NAALADL2: variants seen among roughly 807,000 people sequenced by gnomAD.
The protein encoded by NAALADL2 is inactive N-acetylated-alpha-linked acidic dipeptidase-like protein 2.
In NAALADL2, 76 loss-of-function variants were observed where a neutral mutation model predicts 87.2. The observed-to-expected ratio is 0.87, with a 90% CI of 0.72 to 1.05. The LOEUF (loss-of-function observed/expected upper bound fraction) is 1.05. Ranked by LOEUF, NAALADL2 falls within the 50% of genes least tolerant of loss-of-function variation. NAALADL2 has a pLI of 0.00. For missense variants in NAALADL2, 1,089 were observed against 945.8 expected (o/e 1.15, Z -1.99); for synonymous variants, 354 against 331.0 (o/e 1.07, Z -0.75).
intron 1 of NAALADL2, among the ~76,000 whole-genome samples, chr3:174,977,768 G>T (rs1744556301): frequency 6.6e-6 from 1 of 152,100 alleles, no homozygotes; most frequent in Admixed American, 6.6e-5. Context: ...TATAAACAGG[G>T]ATGACATTTA....
chr3:175,778,965 C>T (rs1002200663), intron 13 of NAALADL2, among the ~76,000 whole-genome samples: 1 of 151,868 alleles, frequency 6.6e-6, no homozygotes, highest in Non-Finnish European at 1.5e-5. Context: ...ATCACACACA[C>T]ACAAAAAAAT....
intron 11 of NAALADL2, among the ~76,000 whole-genome samples, chr3:175,670,849 C>A (rs182050008): frequency 6.6e-6 from 1 of 151,388 alleles, no homozygotes; most frequent in East Asian, 1.9e-4. Flanking sequence ...TTATTTGTCT[C>A]ATTTTCAAAA....
chr3:174,818,422 G>C (rs1721032228), intron 3 of NAALADL2, among the ~76,000 whole-genome samples: 1 of 151,928 alleles, frequency 6.6e-6, no homozygotes, highest in Admixed American at 6.6e-5. Flanking sequence ...AACTGTCTTA[G>C]GGCCAGCTGG....
At chr3:174,796,351 T>A (rs745834208) in intron 3 of NAALADL2, among the ~76,000 whole-genome samples, 34 of 152,140 alleles carry the variant, frequency 2.2e-4, no homozygotes, top group Admixed American at 1.8e-3. Flanking sequence ...ATTAAGTAAT[T>A]TCTCATCATA....
chr3:174,769,868 T>C (rs775934713), intron 3 of NAALADL2, among the ~76,000 whole-genome samples: 1 of 152,002 alleles, frequency 6.6e-6, no homozygotes, highest in Non-Finnish European at 1.5e-5. Context: ...CCTGTTTTCT[T>C]ACTATAGATG....
At chr3:175,008,273 AC>A (rs1749305600) in intron 1 of NAALADL2, among the ~76,000 whole-genome samples, 1 of 152,022 alleles carries the variant, frequency 6.6e-6, no homozygotes, top group South Asian at 2.1e-4. Flanking sequence ...CCTCCTGGCT[AC>A]TCGGGAGGCT....
chr3:175,431,208 C>A (rs188964799), intron 5 of NAALADL2, among the ~76,000 whole-genome samples: 58 of 152,086 alleles, frequency 3.8e-4, no homozygotes, highest in South Asian at 6.2e-4. Flanking sequence ...CAAAGCCTGT[C>A]CTATGATCTG....
At chr3:175,522,050 T>TAGTG (rs1732727986) in intron 9 of NAALADL2, among the ~76,000 whole-genome samples, 1 of 152,208 alleles carries the variant, frequency 6.6e-6, no homozygotes. Context: ...TATTTTCCTT[T>TAGTG]AGTGCATGAT....
rs576794602 is a variant in NAALADL2 at position 175,116,926 on chromosome 3, G to A, written c.545+19635G>A. Among the ~76,000 whole-genome samples, 18 of 152,066 alleles carry A rather than the reference G, an allele frequency of 1.2e-4. 1 individual carries two copies. In the South Asian group the frequency reaches 3.7e-3, roughly 32 times the overall value. The stretch of plus-strand genomic sequence containing the variant: ...TACCAAAACAGAGATATTGAAGAAT[G>A]GATCAGAATAAGGCCCTTGGAAATA... On this transcript the variant is annotated intron_variant, in intron 2 of 13. Transcript: ENST00000454872.
At chr3:174,547,141 A>G (rs963542141) in intron 1 of NAALADL2, among the ~76,000 whole-genome samples, 2 of 152,230 alleles carry the variant, frequency 1.3e-5, no homozygotes, top group African/African-American at 2.4e-5. Context: ...TTTTCTTTCT[A>G]TAAGTTTTCT....
At chr3:175,599,530 A>G (rs1016549566) in intron 10 of NAALADL2, among the ~76,000 whole-genome samples, 2 of 152,124 alleles carry the variant, frequency 1.3e-5, no homozygotes, top group Admixed American at 6.6e-5. Context: ...CCTCAAGTAC[A>G]TTCATAGAGA....
chr3:175,539,614 A>G (rs565647284), intron 9 of NAALADL2, among the ~76,000 whole-genome samples: 21 of 21,216 alleles, frequency 9.9e-4, no homozygotes, highest in African/African-American at 6.8e-3. Context: ...GCATAGTACC[A>G]CAGTTGTTGT....
At chr3:175,210,162 C>T (rs927423232) in intron 2 of NAALADL2, among the ~76,000 whole-genome samples, 4 of 151,594 alleles carry the variant, frequency 2.6e-5, no homozygotes, top group Non-Finnish European at 4.4e-5. Context: ...TTGAATAGGG[C>T]GTTTACAGGA....
In NAALADL2 at chr3:174,566,839, A is replaced by T. The variant is rs1276225881; in HGVS notation, c.-115+16202A>T. 2.7e-5 allele frequency among the ~76,000 whole-genome samples: 4 copies of T among 149,838 alleles called. No homozygotes were observed. The Admixed American group carries it at 2.7e-4, about 10-fold the overall frequency. On this transcript the variant is annotated intron_variant, in intron 2 of 3. Coordinates refer to the NAALADL2 transcript ENST00000434257. ...CTTTTCAAATCGCTGGTGTTTGGGG[A>T]GTCTGTTGTAGCATTTGAGTGGTCC...
At chr3:175,727,313 A>G (rs1743072245) in intron 11 of NAALADL2, among the ~76,000 whole-genome samples, 1 of 152,134 alleles carries the variant, frequency 6.6e-6, no homozygotes, top group Non-Finnish European at 1.5e-5. Context: ...AGGTATTCAG[A>G]GCTATGGCCA....
intron 1 of NAALADL2, among the ~76,000 whole-genome samples, chr3:174,947,989 A>T (rs1439695857): frequency 6.6e-6 from 1 of 152,082 alleles, no homozygotes; most frequent in Non-Finnish European, 1.5e-5. Context: ...TTAACATTTT[A>T]TATAATTATA....
At chr3:174,839,531 A>G (rs927684381) in intron 3 of NAALADL2, among the ~76,000 whole-genome samples, 3 of 152,198 alleles carry the variant, frequency 2.0e-5, no homozygotes, top group Admixed American at 2.0e-4. Context: ...GCATGCCAAA[A>G]AGAACAGTCA....
At chr3:175,278,091 A>T (rs989035578) in intron 4 of NAALADL2, among the ~76,000 whole-genome samples, 2 of 152,152 alleles carry the variant, frequency 1.3e-5, no homozygotes, top group East Asian at 3.9e-4. Context: ...GCGCCACCGC[A>T]CTCCAGCCTG....
At chr3:174,890,521 A>C (rs900640111) in intron 1 of NAALADL2, among the ~76,000 whole-genome samples, 27 of 152,212 alleles carry the variant, frequency 1.8e-4, no homozygotes, top group African/African-American at 6.3e-4. Context: ...ATTTTTCCAC[A>C]TAAGAAATAC....
Sources: allele counts gnomAD v4.1 joint callset (sites outside exome capture counted in the v4.1 genomes callset), GRCh38; gene constraint gnomAD v4.1.1; transcripts MANE v1.5; gene names NCBI Gene and HGNC (gene_info 2026-07-23, HGNC 2026-07-21).